Variants in SAMD5 observed in about 807,000 individuals in gnomAD.
The protein encoded by SAMD5 is sterile alpha motif domain containing 5, also known as sterile alpha motif domain-containing protein 5.
A neutral mutation model predicts 11.3 loss-of-function variants in SAMD5; 13 were observed. That is an observed-to-expected ratio of 1.15 (90% CI 0.75 to 1.83). The LOEUF (loss-of-function observed/expected upper bound fraction) is 1.83, where lower values mean the gene tolerates loss of function less well. Among genes scored for constraint, SAMD5 ranks in the 40% most tolerant of loss-of-function variants. The probability of loss-of-function intolerance (pLI) is 0.00; values close to 1 mark genes in which losing one functional copy is unlikely to be tolerated. For missense variants in SAMD5, 255 were observed against 239.1 expected (o/e 1.07, Z -0.44); for synonymous variants, 129 against 111.3 (o/e 1.16, Z -1.00).
chr6:147,873,353 G>A, the SAMD5 span, among the ~76,000 whole-genome samples: 1 of 151,010 alleles, frequency 6.6e-6, no homozygotes, highest in Non-Finnish European at 1.5e-5. Flanking sequence ...CTCCAGCCTG[G>A]TGACAGAGTG....
At chr6:147,941,834 G>T in the SAMD5 span, among the ~76,000 whole-genome samples, 1 of 144,382 alleles carries the variant, frequency 6.9e-6, no homozygotes, top group African/African-American at 2.6e-5. Flanking sequence ...AACTAAAATT[G>T]TGTGTGTGTG....
intron 1 of SAMD5, among the ~76,000 whole-genome samples, chr6:147,683,635 GT>G (rs2128456483): frequency 6.6e-6 from 1 of 152,252 alleles, no homozygotes; most frequent in African/African-American, 2.4e-5. Context: ...GTGCATGGAA[GT>G]GCATGGCAGT....
chr6:147,619,490 G>C (rs1329042545), intron 1 of SAMD5, among the ~76,000 whole-genome samples: 1 of 152,224 alleles, frequency 6.6e-6, no homozygotes, highest in East Asian at 1.9e-4. Context: ...GGATACTTGT[G>C]AGGATACGTT....
intron 1 of SAMD5, among the ~76,000 whole-genome samples, chr6:147,695,809 A>C (rs1023644331): frequency 2.0e-5 from 3 of 151,526 alleles, no homozygotes; most frequent in African/African-American, 7.4e-5. Context: ...ACTTTGTACC[A>C]TATATATACT....
the SAMD5 span, among the ~76,000 whole-genome samples, chr6:147,867,935 A>G: frequency 6.6e-6 from 1 of 152,222 alleles, no homozygotes; most frequent in African/African-American, 2.4e-5. Flanking sequence ...AGAAGCCTAG[A>G]ATAAGAATGT....
chr6:147,929,202 T>C, the SAMD5 span, among the ~76,000 whole-genome samples: 3 of 152,304 alleles, frequency 2.0e-5, no homozygotes, highest in African/African-American at 7.2e-5. Flanking sequence ...TTAATGGGTT[T>C]AAATATTCCC....
chr6:147,530,300 C>G (rs1376469295), intron 1 of SAMD5, among the ~76,000 whole-genome samples: 2 of 152,256 alleles, frequency 1.3e-5, no homozygotes, highest in African/African-American at 4.8e-5. Context: ...AATACGGTAA[C>G]TTACCACCTT....
chr6:147,567,548 A>G lies in SAMD5; in HGVS notation c.*3092A>G. The G allele has an allele frequency of 2.2e-6, 2 of 898,684 alleles. No individual in the cohort carries two copies. The highest frequency in any genetic ancestry group is 2.7e-6 in the Non-Finnish European group (2 of 751,074). The allele number at this position is 898,684 out of a possible 1,614,324, so 55.7% of individuals were successfully genotyped here. A position where few individuals can be genotyped will look rare whatever the true frequency, so the allele number is the denominator to read the frequency against. ...TGTCTGTAAAATGGGAAAAATAAAT[A>G]CCTCTATAGCTCTTAAGAGGCTTAA... On this transcript the variant is annotated 3_prime_UTR_variant, in exon 2 of 2. Coordinates refer to ENST00000367474, the MANE Select transcript of SAMD5 (RefSeq NM_001030060.3).
intron 1 of SAMD5, among the ~76,000 whole-genome samples, chr6:147,673,022 T>C (rs549978588): frequency 1.3e-5 from 2 of 152,294 alleles, no homozygotes; most frequent in South Asian, 4.1e-4. Context: ...ATGCTACTCT[T>C]ACCTTTTTCT....
the SAMD5 span, among the ~76,000 whole-genome samples, chr6:147,900,430 A>G: frequency 3.9e-5 from 6 of 152,220 alleles, no homozygotes; most frequent in Middle Eastern, 3.2e-3. Flanking sequence ...TGGAGACGCA[A>G]AAGTGTGCAC....
chr6:147,564,329 T>G (rs368347437), intron 1 of SAMD5, 65 bp from the exon 2 acceptor site: 45 of 766,870 alleles, frequency 5.9e-5, no homozygotes, highest in South Asian at 1.5e-4. Flanking sequence ...CAGAAATCCA[T>G]GATGGACTAG....
At chr6:147,595,408 A>G (rs1789513832) in intron 1 of SAMD5, among the ~76,000 whole-genome samples, 1 of 152,054 alleles carries the variant, frequency 6.6e-6, no homozygotes, top group Non-Finnish European at 1.5e-5. Context: ...GATTTTAATT[A>G]TAACCTGGCT....
the SAMD5 span, among the ~76,000 whole-genome samples, chr6:147,845,100 C>T: frequency 7.9e-5 from 12 of 151,962 alleles, no homozygotes; most frequent in South Asian, 4.2e-4. Context: ...CATTGTACCC[C>T]GTAAATATAC....
intron 1 of SAMD5, among the ~76,000 whole-genome samples, chr6:147,606,797 G>A (rs544147379): frequency 6.6e-6 from 1 of 152,152 alleles, no homozygotes; most frequent in African/African-American, 2.4e-5. Context: ...CTGAGAAACA[G>A]TGAGATTAAG....
the SAMD5 span, among the ~76,000 whole-genome samples, chr6:147,855,408 A>G: frequency 2.6e-5 from 4 of 152,194 alleles, no homozygotes; most frequent in South Asian, 2.1e-4. Context: ...TAGAAACTCT[A>G]TGACTTTCCA....
intron 1 of SAMD5, among the ~76,000 whole-genome samples, chr6:147,519,668 G>T (rs1445384270): frequency 6.6e-6 from 1 of 152,148 alleles, no homozygotes; most frequent in Non-Finnish European, 1.5e-5. Context: ...GGAAGATGGG[G>T]CAGCTTTACA....
At chr6:147,692,696 T>A (rs1791120370) in intron 1 of SAMD5, among the ~76,000 whole-genome samples, 1 of 152,216 alleles carries the variant, frequency 6.6e-6, no homozygotes, top group South Asian at 2.1e-4. Context: ...TCCTGTGGTC[T>A]CTACAATGCA....
the SAMD5 span, among the ~76,000 whole-genome samples, chr6:147,858,268 C>A: frequency 6.6e-6 from 1 of 152,090 alleles, no homozygotes; most frequent in South Asian, 2.1e-4. Flanking sequence ...TGTTAATAGA[C>A]CAGATTAGAA....
At chr6:147,622,459 C>A (rs1465345683) in intron 1 of SAMD5, among the ~76,000 whole-genome samples, 2 of 152,176 alleles carry the variant, frequency 1.3e-5, no homozygotes, top group Non-Finnish European at 1.5e-5. Context: ...TAGTACTGTT[C>A]TTTTCAACAC....
Sources: allele counts gnomAD v4.1 joint callset (sites outside exome capture counted in the v4.1 genomes callset), GRCh38; gene constraint gnomAD v4.1.1; transcripts MANE v1.5; gene names NCBI Gene and HGNC (gene_info 2026-07-23, HGNC 2026-07-21).